SHISA9: variants seen among roughly 807,000 people sequenced by gnomAD.
SHISA9 encodes protein shisa-9.
SHISA9 carries 13 observed loss-of-function variants against 38.0 expected under a neutral mutation model. That is an observed-to-expected ratio of 0.34 (90% confidence interval 0.22 to 0.54). SHISA9 has a LOEUF of 0.54. Ranked by LOEUF, SHISA9 falls within the 20% of genes least tolerant of loss-of-function variation. The probability of loss-of-function intolerance (pLI) is 0.91; values close to 1 mark genes in which losing one functional copy is unlikely to be tolerated. For missense variants in SHISA9, 538 were observed against 575.8 expected, an observed-to-expected ratio of 0.93 and a Z score of 0.67; for synonymous variants, 275 against 242.0, an observed-to-expected ratio of 1.14 and a Z score of -1.27.
At chr16:13,257,016 G>T in the SHISA9 span, among the ~76,000 whole-genome samples, 1 of 152,190 alleles carries the variant, frequency 6.6e-6, no homozygotes, top group East Asian at 1.9e-4. Flanking sequence ...CTTGAACCCA[G>T]TGTTAAGAAC....
the SHISA9 span, among the ~76,000 whole-genome samples, chr16:13,387,948 A>T: frequency 6.6e-6 from 1 of 152,106 alleles, no homozygotes; most frequent in African/African-American, 2.4e-5. Flanking sequence ...AAAGACATGT[A>T]TCTCCTGGAT....
rs117957405 is a variant in SHISA9 at position 13,018,528 on chromosome 16, C to T, written c.691+101713C>T. Among the ~76,000 whole-genome samples the T allele has an allele frequency of 6.6e-3, 1,005 of 152,226 alleles. 7 individuals carry two copies. The highest frequency in any genetic ancestry group is 0.02 in the Middle Eastern group (6 of 294). ...ACTTTGAGCAAGATGTGGGAAGAGG[C>T]GAAGGTTCCATCGGGATGAAGGCGA... is the stretch of plus-strand genomic sequence containing the variant. On this transcript the variant is annotated intron_variant, in intron 2 of 4. Transcript: ENST00000558583.
chr16:13,363,255 T>C, the SHISA9 span, among the ~76,000 whole-genome samples: 12 of 152,348 alleles, frequency 7.9e-5, no homozygotes, highest in East Asian at 2.3e-3. Context: ...CAACTTGAAG[T>C]TGTTCATTTC....
the SHISA9 span, among the ~76,000 whole-genome samples, chr16:13,351,603 G>A: frequency 6.6e-6 from 1 of 152,140 alleles, no homozygotes; most frequent in African/African-American, 2.4e-5. Flanking sequence ...ACTTGCCCAG[G>A]TTACTGTTTA....
the SHISA9 span, among the ~76,000 whole-genome samples, chr16:13,509,011 G>A: frequency 1.3e-5 from 2 of 152,122 alleles, no homozygotes; most frequent in African/African-American, 4.8e-5. Flanking sequence ...GAGGAAAAGG[G>A]ATTTCTCATA....
chr16:13,541,301 T>C, the SHISA9 span, among the ~76,000 whole-genome samples: 51 of 152,222 alleles, frequency 3.4e-4, no homozygotes, highest in African/African-American at 1.2e-3. Flanking sequence ...CAGAGTAATG[T>C]AGTACATGAT....
At chr16:13,394,567 C>A in the SHISA9 span, among the ~76,000 whole-genome samples, 1 of 152,138 alleles carries the variant, frequency 6.6e-6, no homozygotes, top group South Asian at 2.1e-4. Flanking sequence ...ACTCAGGATC[C>A]TTTGACTTGG....
chr16:13,094,161 G>A (rs550628128), intron 2 of SHISA9, among the ~76,000 whole-genome samples: 1 of 152,302 alleles, frequency 6.6e-6, no homozygotes, highest in South Asian at 2.1e-4. Flanking sequence ...CAAGAAAGGA[G>A]ATAAGGTAAA....
chr16:13,522,048 G>A, the SHISA9 span, among the ~76,000 whole-genome samples: 1 of 152,154 alleles, frequency 6.6e-6, no homozygotes, highest in Non-Finnish European at 1.5e-5. Context: ...AACTTGACAG[G>A]CGCTTCCCGG....
intron 1 of SHISA9, among the ~76,000 whole-genome samples, chr16:12,905,879 G>C (rs1174537063): frequency 1.3e-5 from 2 of 152,184 alleles, no homozygotes; most frequent in African/African-American, 4.8e-5. Flanking sequence ...GGAATTACAG[G>C]CATGAGCCAC....
intron 2 of SHISA9, among the ~76,000 whole-genome samples, chr16:13,102,653 C>T (rs562016349): frequency 6.6e-6 from 1 of 152,232 alleles, no homozygotes; most frequent in African/African-American, 2.4e-5. Context: ...TCCTTTTGTC[C>T]TCCCTCTAGA....
At chr16:13,454,020 CCTT>C in the SHISA9 span, among the ~76,000 whole-genome samples, 5 of 152,156 alleles carry the variant, frequency 3.3e-5, no homozygotes, top group African/African-American at 9.7e-5. Flanking sequence ...AAGAACTCCT[CCTT>C]CTTCGAAGAG....
At chr16:13,323,841 T>A in the SHISA9 span, among the ~76,000 whole-genome samples, 1 of 152,162 alleles carries the variant, frequency 6.6e-6, no homozygotes, top group Non-Finnish European at 1.5e-5. Context: ...TCTCGACACC[T>A]GGGGATTACA....
intron 1 of SHISA9, chr16:12,909,378 A>G: frequency 1.0e-6 from 1 of 985,462 alleles, no homozygotes; most frequent in Non-Finnish European, 1.2e-6. Context: ...CTTGTGCAAG[A>G]AGAAGTGCTC....
chr16:13,444,982 C>CCATATATATATATATATA, the SHISA9 span, among the ~76,000 whole-genome samples: 1 of 106,248 alleles, frequency 9.4e-6, no homozygotes, highest in African/African-American at 3.4e-5. Flanking sequence ...CCATGCCTAG[C>CCATATATATATATATATA]TATATATATA....
intron 2 of SHISA9, among the ~76,000 whole-genome samples, chr16:13,071,650 T>A (rs917133475): frequency 6.9e-6 from 1 of 144,398 alleles, no homozygotes; most frequent in African/African-American, 2.8e-5. Flanking sequence ...CTCCTTCCTG[T>A]CTTTCCTTTT....
At chr16:13,510,050 A>C in the SHISA9 span, among the ~76,000 whole-genome samples, 17 of 152,308 alleles carry the variant, frequency 1.1e-4, no homozygotes, top group East Asian at 2.5e-3. Context: ...TCACACCTGT[A>C]GTCCCAGCAC....
At chr16:13,438,914 G>GA in the SHISA9 span, among the ~76,000 whole-genome samples, 2 of 152,116 alleles carry the variant, frequency 1.3e-5, no homozygotes, top group African/African-American at 4.8e-5. Flanking sequence ...GAGAAAACTA[G>GA]AAAAAGTGAC....
intron 2 of SHISA9, among the ~76,000 whole-genome samples, chr16:13,150,603 T>G (rs2050490845): frequency 6.6e-6 from 1 of 152,178 alleles, no homozygotes. Flanking sequence ...GGGAAATTGT[T>G]GAGATGCAGA....
Sources: gnomAD v4.1 joint callset for allele counts (sites outside exome capture counted in the v4.1 genomes callset) on GRCh38, gnomAD v4.1.1 for gene constraint, MANE v1.5 for transcripts, NCBI Gene and HGNC (gene_info 2026-07-23, HGNC 2026-07-21) for gene names.